Variants in FSIP1 observed in about 807,000 individuals in gnomAD.
FSIP1 encodes fibrous sheath-interacting protein 1.
In FSIP1, 65 loss-of-function variants were observed where a neutral mutation model predicts 60.9. That is an observed-to-expected ratio of 1.07 (90% CI 0.87 to 1.31). The LOEUF (loss-of-function observed/expected upper bound fraction) is 1.31. Ranked by LOEUF, FSIP1 falls within the 40% of genes most tolerant of loss-of-function variation. The pLI, the probability that FSIP1 is intolerant of heterozygous loss-of-function variation, is 0.00. For synonymous variants in FSIP1, 209 were observed against 221.2 expected (o/e 0.94, Z 0.49); for missense variants, 675 against 665.5 (o/e 1.01, Z -0.16).
chr15:39,733,189 C>T (rs1466674003), intron 8 of FSIP1, among the ~76,000 whole-genome samples: 1 of 152,140 alleles, frequency 6.6e-6, no homozygotes, highest in Non-Finnish European at 1.5e-5. Flanking sequence ...CACCACCAAA[C>T]CTGGCTAATT....
chr15:39,736,873 G>T (rs1332252268), intron 8 of FSIP1, among the ~76,000 whole-genome samples: 1 of 152,148 alleles, frequency 6.6e-6, no homozygotes, highest in African/African-American at 2.4e-5. Flanking sequence ...AGGACACACT[G>T]CACCAGAGAG....
intron 10 of FSIP1, among the ~76,000 whole-genome samples, chr15:39,693,975 T>C (rs1216840587): frequency 6.6e-6 from 1 of 152,238 alleles, no homozygotes; most frequent in African/African-American, 2.4e-5. Flanking sequence ...AAGTGATGGA[T>C]ATATATTTAT....
intron 11 of FSIP1, among the ~76,000 whole-genome samples, chr15:39,613,802 T>A (rs556476339): frequency 6.6e-6 from 1 of 152,306 alleles, no homozygotes; most frequent in South Asian, 2.1e-4. Context: ...GTTCAGCATA[T>A]GCAAATTAAT....
rs1218097598 is a variant in FSIP1 at position 39,617,853 on chromosome 15, AAG to A, written c.1579_1580del (p.Leu527TrpfsTer13). 1 of 1,614,184 alleles carries A rather than the reference AAG, an allele frequency of 6.2e-7. No homozygotes were observed. The highest frequency in any genetic ancestry group is 1.7e-5 in the Admixed American group (1 of 60,016). On this transcript the variant is annotated frameshift_variant, in exon 11 of 12. Transcript: ENST00000350221. LOFTEE classifies it high-confidence loss of function. ...AGGGCCTTTTCAGTCTCCCAATGCC[AAG>A]AGTCTTCGACATAAAATAGTCTTTT... ...DTKDYFMSKT[L>X]GIGRLKRPSF...
At chr15:39,669,948 T>C (rs1165389001) in intron 10 of FSIP1, among the ~76,000 whole-genome samples, 1 of 152,206 alleles carries the variant, frequency 6.6e-6, no homozygotes, top group Non-Finnish European at 1.5e-5. Context: ...CAGAGTGGAA[T>C]CATGCTCGTT....
chr15:39,663,276 C>T (rs1413866736), intron 10 of FSIP1, among the ~76,000 whole-genome samples: 4 of 152,156 alleles, frequency 2.6e-5, no homozygotes, highest in South Asian at 2.1e-4. Flanking sequence ...ACAAAATCTA[C>T]AGATTCGCCA....
Position 39,607,626 on chromosome 15 carries a change from C to T in FSIP1, c.1700-6700G>A, listed in dbSNP as rs139555412. ...TTTTAATACAACTGATAGGCAAATC[C>T]TTATTTTTCAATACCACCATTTAAA... On this transcript the variant is annotated intron_variant, in intron 11 of 11. Coordinates refer to ENST00000350221, the MANE Select transcript of FSIP1 (RefSeq NM_152597.5). 4.0e-4 allele frequency among the ~76,000 whole-genome samples: 61 copies of T among 152,248 alleles called. No homozygotes were observed. The East Asian group carries it at 0.012, about 29-fold the overall frequency.
intron 10 of FSIP1, among the ~76,000 whole-genome samples, chr15:39,668,358 A>G (rs924559272): frequency 1.3e-5 from 2 of 152,166 alleles, no homozygotes; most frequent in African/African-American, 4.8e-5. Flanking sequence ...TTGCAGAAGC[A>G]ATTTCTCCAG....
intron 3 of FSIP1, among the ~76,000 whole-genome samples, chr15:39,768,757 G>C (rs954026925): frequency 1.3e-5 from 2 of 152,218 alleles, no homozygotes; most frequent in Non-Finnish European, 2.9e-5. Flanking sequence ...AAACTTAACA[G>C]GGGTGGTTTC....
intron 1 of FSIP1, among the ~76,000 whole-genome samples, chr15:39,781,498 A>C (rs557190561): frequency 2.1e-4 from 32 of 152,214 alleles, no homozygotes; most frequent in Middle Eastern, 3.4e-3. Flanking sequence ...CACACACACA[A>C]AAAAAAACCT....
intron 2 of FSIP1, 65 bp downstream of exon 2, chr15:39,776,334 C>A: frequency 6.7e-7 from 1 of 1,500,088 alleles, no homozygotes; most frequent in South Asian, 1.2e-5. Flanking sequence ...TAACAACAAC[C>A]TTAGTTTCAT....
chr15:39,627,242 GAGC>G, intron 10 of FSIP1, among the ~76,000 whole-genome samples: 1 of 152,236 alleles, frequency 6.6e-6, no homozygotes, highest in East Asian at 1.9e-4. Flanking sequence ...CTGCCAGGCT[GAGC>G]AGATCTAACA....
intron 10 of FSIP1, among the ~76,000 whole-genome samples, chr15:39,634,166 C>G (rs1363525669): frequency 1.3e-5 from 2 of 152,168 alleles, no homozygotes; most frequent in African/African-American, 4.8e-5. Flanking sequence ...CTGCTTTCCC[C>G]CTCTCTACTG....
chr15:39,719,083 C>A (rs28504386), intron 9 of FSIP1, among the ~76,000 whole-genome samples: 1 of 151,982 alleles, frequency 6.6e-6, no homozygotes, highest in African/African-American at 2.4e-5. Flanking sequence ...TTCAAATATT[C>A]GAAAAATACT....
chr15:39,762,892 C>T (rs1022057986), intron 5 of FSIP1, among the ~76,000 whole-genome samples: 1 of 152,156 alleles, frequency 6.6e-6, no homozygotes, highest in Non-Finnish European at 1.5e-5. Context: ...AACTACCACA[C>T]ACATCTATTA....
At position 39,664,836 on chromosome 15, in the gene FSIP1, G is replaced by T. The variant is rs994691379; in HGVS notation, c.1189-46591C>A. Among the ~76,000 whole-genome samples the T allele has an allele frequency of 3.3e-5, 5 of 152,068 alleles. No individual in the cohort carries two copies. In the South Asian group the frequency reaches 1.0e-3, roughly 32 times the overall value. ...CTCAAAGCACAAAAGACCCATCCTAGGGAAGAAAGTGCAGGGATGCCTGGA... is the reference window on the plus strand; with the variant it reads ...CTCAAAGCACAAAAGACCCATCCTATGGAAGAAAGTGCAGGGATGCCTGGA... On this transcript the variant is annotated intron_variant, in intron 10 of 11. Transcript: ENST00000350221.
In FSIP1 at chr15:39,763,913, G is replaced by T. The variant is rs997415836; in HGVS notation, c.467C>A (p.Ser156Tyr). ...TTGCCAAGCTTCACTATATTTTGCA[G>T]ACTAATGAAAGGAAAATTAAAATTT... is the stretch of plus-strand genomic sequence containing the variant. ...MRIKLWEEIK[S>Y]AKYSEAWQSK... The change falls in exon 5 of 12, where the codon TCT becomes TAT. Residue 156 changes from serine (S) to tyrosine (Y), a missense_variant and splice_region_variant. Transcript: ENST00000350221. 1.4e-5 allele frequency: 21 copies of T among 1,530,706 alleles called. No homozygotes were observed. Among genetic ancestry groups the T allele is most frequent in the Non-Finnish European group, 1.8e-5 (20 of 1,113,504 alleles). 94.8% of individuals were successfully genotyped at this position (1,530,706 alleles called of 1,614,324 possible).
At chr15:39,667,004 G>T (rs1195679528) in intron 10 of FSIP1, among the ~76,000 whole-genome samples, 3 of 152,152 alleles carry the variant, frequency 2.0e-5, no homozygotes, top group Non-Finnish European at 4.4e-5. Context: ...CCCTAAATCT[G>T]CTTCTCAGCT....
At chr15:39,778,240 G>A (rs1255885017) in intron 1 of FSIP1, among the ~76,000 whole-genome samples, 1 of 152,158 alleles carries the variant, frequency 6.6e-6, no homozygotes, top group African/African-American at 2.4e-5. Flanking sequence ...CCTGTCAAGG[G>A]AGACTTATTA....
Sources: gnomAD v4.1 joint callset for allele counts (sites outside exome capture counted in the v4.1 genomes callset) on GRCh38, gnomAD v4.1.1 for gene constraint, MANE v1.5 for transcripts, NCBI Gene and HGNC (gene_info 2026-07-23, HGNC 2026-07-21) for gene names.